SGCZ: variants seen among roughly 807,000 people sequenced by gnomAD.
SGCZ encodes the protein zeta-sarcoglycan.
In SGCZ, 40 loss-of-function variants were observed where a neutral mutation model predicts 41.3. That is an observed-to-expected ratio of 0.97 (90% CI 0.75 to 1.26). The LOEUF (loss-of-function observed/expected upper bound fraction) is 1.26, where lower values mean the gene tolerates loss of function less well. Ranked by LOEUF, SGCZ falls within the 50% of genes most tolerant of loss-of-function variation. The probability of loss-of-function intolerance (pLI) is 0.00; values close to 1 mark genes in which losing one functional copy is unlikely to be tolerated. For synonymous variants in SGCZ, 206 were observed against 137.5 expected (o/e 1.50, Z -3.49); for missense variants, 552 against 369.8 (o/e 1.49, Z -4.04).
At chr8:14,627,890 C>T (rs1273163625) in intron 1 of SGCZ, among the ~76,000 whole-genome samples, 1 of 151,938 alleles carries the variant, frequency 6.6e-6, no homozygotes, top group Admixed American at 6.6e-5. Context: ...AATGGAAAAG[C>T]CAATGTCTAG....
intron 1 of SGCZ, among the ~76,000 whole-genome samples, chr8:14,612,984 G>GA (rs1164088738): frequency 6.6e-6 from 1 of 152,012 alleles, no homozygotes; most frequent in African/African-American, 2.4e-5. Flanking sequence ...CCATGCCCAG[G>GA]AAAAAGCAGA....
rs557322458 is a variant in SGCZ at position 14,329,610 on chromosome 8, G to A, written c.235-5406C>T. On this transcript the variant is annotated intron_variant, in intron 2 of 7. Transcript: ENST00000382080. ...TTATGCTTGCTCAAAAGCCCAAAGT[G>A]TCACCTTAGCCTCTGGGTATAGATC... Among the ~76,000 whole-genome samples the A allele has an allele frequency of 1.3e-3, 205 of 152,078 alleles. 2 individuals carry two copies. Among genetic ancestry groups the A allele is most frequent in the Non-Finnish European group, 2.1e-3 (144 of 67,992 alleles).
At chr8:14,967,407 C>T (rs116878430) in intron 1 of SGCZ, among the ~76,000 whole-genome samples, 14 of 152,224 alleles carry the variant, frequency 9.2e-5, no homozygotes, top group Non-Finnish European at 1.5e-4. Context: ...CATCTTCATG[C>T]TCACTCTACT....
intron 1 of SGCZ, among the ~76,000 whole-genome samples, chr8:14,585,354 A>T (rs1397391766): frequency 6.6e-6 from 1 of 152,080 alleles, no homozygotes; most frequent in Non-Finnish European, 1.5e-5. Context: ...GATGAAGAAA[A>T]TTTCATACTG....
chr8:14,618,892 A>T (rs1806193422), intron 1 of SGCZ, among the ~76,000 whole-genome samples: 1 of 152,180 alleles, frequency 6.6e-6, no homozygotes, highest in East Asian at 1.9e-4. Flanking sequence ...GCAAATTAAC[A>T]AGAAAGTAAG....
chr8:15,092,166 C>T (rs1806177680), intron 1 of SGCZ, among the ~76,000 whole-genome samples: 2 of 152,176 alleles, frequency 1.3e-5, no homozygotes, highest in Non-Finnish European at 2.9e-5. Flanking sequence ...GAACATAAAT[C>T]ATGTGAGACT....
intron 1 of SGCZ, among the ~76,000 whole-genome samples, chr8:14,847,507 G>GCA (rs1803169618): frequency 8.5e-6 from 1 of 117,020 alleles, no homozygotes; most frequent in African/African-American, 2.8e-5. Flanking sequence ...ATATTAACAA[G>GCA]TAAAAAAAAA....
intron 1 of SGCZ, among the ~76,000 whole-genome samples, chr8:15,013,030 T>C (rs912942232): frequency 8.5e-5 from 13 of 152,080 alleles, no homozygotes; most frequent in Non-Finnish European, 5.9e-5. Flanking sequence ...AACTTCTTAA[T>C]GGCAAACAGG....
At chr8:14,145,491 G>A (rs915823038) in intron 5 of SGCZ, among the ~76,000 whole-genome samples, 5 of 152,098 alleles carry the variant, frequency 3.3e-5, no homozygotes, top group Non-Finnish European at 7.3e-5. Context: ...CCAGACAGTG[G>A]AGACTCTAAC....
chr8:14,711,673 C>T (rs1028666229), intron 1 of SGCZ, among the ~76,000 whole-genome samples: 9 of 147,622 alleles, frequency 6.1e-5, no homozygotes, highest in African/African-American at 2.0e-4. Context: ...AGGATAGGAA[C>T]ATATGTAATA....
intron 1 of SGCZ, among the ~76,000 whole-genome samples, chr8:15,218,503 T>C (rs1046142714): frequency 2.6e-5 from 4 of 152,230 alleles, no homozygotes; most frequent in Admixed American, 1.3e-4. Context: ...TTTGATATTA[T>C]TAAACTCAAG....
At chr8:15,164,561 G>A (rs543262473) in intron 1 of SGCZ, among the ~76,000 whole-genome samples, 4 of 151,840 alleles carry the variant, frequency 2.6e-5, no homozygotes, top group East Asian at 1.9e-4. Context: ...CTAAGAATAA[G>A]AGGTTCTTCC....
intron 1 of SGCZ, among the ~76,000 whole-genome samples, chr8:14,889,041 C>T (rs1188492547): frequency 6.6e-6 from 1 of 152,088 alleles, no homozygotes; most frequent in Non-Finnish European, 1.5e-5. Flanking sequence ...TCTCCAATTC[C>T]TTTCCTTCAC....
chr8:14,544,009 T>G (rs1239613131), intron 2 of SGCZ, among the ~76,000 whole-genome samples: 1 of 152,060 alleles, frequency 6.6e-6, no homozygotes, highest in Non-Finnish European at 1.5e-5. Context: ...TCAGCAGATG[T>G]AAGGAGCCCC....
intron 3 of SGCZ, among the ~76,000 whole-genome samples, chr8:14,271,294 T>C (rs1015304043): frequency 5.9e-5 from 9 of 152,210 alleles, no homozygotes; most frequent in African/African-American, 1.7e-4. Context: ...TTTCTTTACA[T>C]TATTACTATT....
At chr8:14,504,049 C>A (rs937548793) in intron 2 of SGCZ, among the ~76,000 whole-genome samples, 1 of 152,008 alleles carries the variant, frequency 6.6e-6, no homozygotes, top group Admixed American at 6.6e-5. Context: ...CTAAAGTTAT[C>A]ATTATTTTTC....
chr8:14,661,749 A>G (rs1002140884), intron 1 of SGCZ, among the ~76,000 whole-genome samples: 27 of 152,256 alleles, frequency 1.8e-4, no homozygotes, highest in African/African-American at 6.3e-4. Context: ...TGAACAATGA[A>G]TGGGAGAAGA....
At chr8:14,179,628 A>T (rs1230631454) in intron 4 of SGCZ, among the ~76,000 whole-genome samples, 1 of 152,138 alleles carries the variant, frequency 6.6e-6, no homozygotes. Flanking sequence ...GATGGCGTAA[A>T]AGACAGGAAA....
At chr8:14,706,497 A>G (rs1383812796) in intron 1 of SGCZ, among the ~76,000 whole-genome samples, 8 of 152,114 alleles carry the variant, frequency 5.3e-5, no homozygotes, top group Admixed American at 5.2e-4. Context: ...ACCTTTGCCA[A>G]GTATTTCCAG....
Sources: allele counts gnomAD v4.1 joint callset (sites outside exome capture counted in the v4.1 genomes callset), GRCh38; gene constraint gnomAD v4.1.1; transcripts MANE v1.5; gene names NCBI Gene and HGNC (gene_info 2026-07-23, HGNC 2026-07-21).